DEFB121: variants seen among roughly 807,000 people sequenced by gnomAD.
DEFB121 encodes defensin beta 121, also known as beta-defensin 121.
DEFB121 carries 5 observed loss-of-function variants against 2.5 expected under a neutral mutation model. The observed-to-expected ratio is 1.96, with a 90% CI of 1.03 to 4.13. The LOEUF (loss-of-function observed/expected upper bound fraction) is 4.13, where lower values mean the gene tolerates loss of function less well. Among genes scored for constraint, DEFB121 ranks in the 30% most tolerant of loss-of-function variants. The pLI is 0.00. For synonymous variants in DEFB121, 39 were observed against 32.6 expected, an observed-to-expected ratio of 1.20 and a Z score of -0.67; for missense variants, 87 against 85.0, an observed-to-expected ratio of 1.02 and a Z score of -0.09.
chr20:31,407,236 C>T (rs1978512024), upstream of DEFB121, among the ~76,000 whole-genome samples: 5 of 152,036 alleles, frequency 3.3e-5, no homozygotes, highest in Admixed American at 3.3e-4. Context: ...GGCAACAGAG[C>T]GAGACTCTGT....
the DEFB121 span, among the ~76,000 whole-genome samples, chr20:31,418,506 C>T: frequency 0.43 from 65,816 of 151,818 alleles, 16,819 homozygotes; most frequent in East Asian, 0.74. Context: ...TTTCATAAGA[C>T]TCGCCCACCA....
chr20:31,414,404 C>T (rs547782799), upstream of DEFB121, among the ~76,000 whole-genome samples: 7 of 152,316 alleles, frequency 4.6e-5, no homozygotes, highest in East Asian at 3.9e-4. Flanking sequence ...TGCACACCCA[C>T]GTTCATTGGC....
At chr20:31,410,509 G>T (rs950645330), upstream of DEFB121, among the ~76,000 whole-genome samples, 3 of 152,120 alleles carry the variant, frequency 2.0e-5, no homozygotes, top group African/African-American at 7.2e-5. Flanking sequence ...GGGGATAAAA[G>T]TTAATAAATC....
Position 31,404,996 on chromosome 20 carries a change from A to G in DEFB121, c.148T>C (p.Cys50Arg), listed in dbSNP as rs1568738298. The change falls in exon 2 of 2, where the codon TGC becomes CGC. Residue 50 changes from cysteine (C) to arginine (R), a missense_variant. Cys to Arg is a radical substitution (Grantham distance 180). Transcript: ENST00000376314. ...YYILCKTEAK[C>R]CVDPKYVPVK... ...GGTACATACTTGGGATCCACACAGCACTTAGCCTCAGTTTTGCATAATATA... is the reference window on the plus strand; with the variant it reads ...GGTACATACTTGGGATCCACACAGCGCTTAGCCTCAGTTTTGCATAATATA... 6.2e-7 allele frequency: 1 copy of G among 1,614,040 alleles called. No individual in the cohort carries two copies. Among genetic ancestry groups the G allele is most frequent in the Non-Finnish European group, 8.5e-7 (1 of 1,180,006 alleles).
At chr20:31,406,359 G>A (rs556668311), upstream of DEFB121, 10 of 1,127,106 alleles carry the variant, frequency 8.9e-6, no homozygotes, top group African/African-American at 4.8e-5. Context: ...GGCTGGGAGA[G>A]GGGGAAGGGA....
chr20:31,418,246 C>A, the DEFB121 span, among the ~76,000 whole-genome samples: 2 of 115,720 alleles, frequency 1.7e-5, no homozygotes, highest in Non-Finnish European at 3.4e-5. Context: ...GGCGACAGAG[C>A]GAGACTCCGT....
At chr20:31,415,429 T>C (rs1361472291), upstream of DEFB121, among the ~76,000 whole-genome samples, 1 of 152,098 alleles carries the variant, frequency 6.6e-6, no homozygotes, top group Admixed American at 6.6e-5. Flanking sequence ...TTTCTATTTT[T>C]ATTAGAGACA....
chr20:31,405,997 C>G, intron 1 of DEFB121, 98 bp downstream of exon 1: 1 of 1,370,610 alleles, frequency 7.3e-7, no homozygotes, highest in Non-Finnish European at 1.0e-6. Context: ...TGAGCTCTAC[C>G]AGGCCATTCT....
At chr20:31,412,756 T>G (rs1397703651) in exon 1 of DEFB121, 2 of 1,052,606 alleles carry the variant, frequency 1.9e-6, no homozygotes, top group Non-Finnish European at 2.6e-6. Context: ...ATCTCTCTGC[T>G]CACCGTGATC....
chr20:31,406,143 G>A lies in DEFB121; in HGVS notation c.10C>T (p.Leu4Phe). The stretch of plus-strand genomic sequence containing the variant: ...AGAGTAACAGTCAAAAGCAGAAGAA[G>A]GAGCTTCATGAATGATGAATGATCA... MKL[L>F]LLLLTVTLLL... The change falls in exon 1 of 2, where the codon CTT becomes TTT. Residue 4 changes from leucine to phenylalanine, a missense_variant. Transcript: ENST00000376314. The A allele has an allele frequency of 4.3e-6, 7 of 1,614,152 alleles. No homozygotes were observed. The highest frequency in any genetic ancestry group is 1.1e-5 in the South Asian group (1 of 91,082).
the DEFB121 span, among the ~76,000 whole-genome samples, chr20:31,418,170 G>C: frequency 1.4e-5 from 2 of 142,140 alleles, no homozygotes; most frequent in African/African-American, 2.5e-5. Context: ...TGAGGCAGGA[G>C]AATGGCGTGA....
At chr20:31,413,535 G>A (rs1292616957), upstream of DEFB121, among the ~76,000 whole-genome samples, 3 of 152,202 alleles carry the variant, frequency 2.0e-5, no homozygotes, top group Non-Finnish European at 4.4e-5. Context: ...TCCACTGAAG[G>A]CTGGCTGGGG....
At chr20:31,417,006 C>T (rs932109190), upstream of DEFB121, among the ~76,000 whole-genome samples, 4 of 152,018 alleles carry the variant, frequency 2.6e-5, no homozygotes, top group Admixed American at 1.3e-4. Flanking sequence ...TGTTTTAAGA[C>T]GGATAAGGCC....
At chr20:31,405,133 C>A in intron 1 of DEFB121, 48 bp from the exon 2 acceptor site, 1 of 1,551,638 alleles carries the variant, frequency 6.4e-7, no homozygotes, top group Non-Finnish European at 8.7e-7. Flanking sequence ...TGAAAGAAAG[C>A]AGAAAGGTGT....
chr20:31,413,469 C>T (rs1484604802), upstream of DEFB121, among the ~76,000 whole-genome samples: 1 of 152,170 alleles, frequency 6.6e-6, no homozygotes. Flanking sequence ...AAAGAAGAAT[C>T]TTGGTGGCTT....
At chr20:31,405,790 A>C (rs1041140588) in intron 1 of DEFB121, among the ~76,000 whole-genome samples, 1 of 152,208 alleles carries the variant, frequency 6.6e-6, no homozygotes, top group African/African-American at 2.4e-5. Flanking sequence ...TTTTTGAAAA[A>C]GTCCCCATTT....
chr20:31,412,761 G>A (rs1349052763), exon 1 of DEFB121: 55 of 1,043,508 alleles, frequency 5.3e-5, no homozygotes, highest in East Asian at 6.0e-5. Context: ...TCTGCTCACC[G>A]TGATCTTCAA....
chr20:31,412,714 C>T lies in DEFB121; in HGVS notation n.125G>A, dbSNP rs1978698569. The T allele has an allele frequency of 9.4e-6, 12 of 1,271,184 alleles. 1 individual carries two copies. In the South Asian group the frequency reaches 1.4e-4, roughly 15 times the overall value. 78.7% of individuals were successfully genotyped at this position (1,271,184 alleles called of 1,614,324 possible). ...TTGTCAACACAGTCAACGCTCAATA[C>T]AAGGGACATTAGGATTGGCAGTAGC... On this transcript the variant is annotated non_coding_transcript_exon_variant, in exon 1 of 2. Coordinates refer to the DEFB121 transcript ENST00000376312.
upstream of DEFB121, among the ~76,000 whole-genome samples, chr20:31,409,530 C>T (rs1978598256): frequency 6.6e-6 from 1 of 152,158 alleles, no homozygotes; most frequent in Non-Finnish European, 1.5e-5. Context: ...CATCTGAGGT[C>T]AGGAGTTCGA....
Sources: gnomAD v4.1 joint callset for allele counts (sites outside exome capture counted in the v4.1 genomes callset) on GRCh38, gnomAD v4.1.1 for gene constraint, MANE v1.5 for transcripts, NCBI Gene and HGNC (gene_info 2026-07-23, HGNC 2026-07-21) for gene names.